KCNQ5: variants seen among roughly 807,000 people sequenced by gnomAD.
KCNQ5 encodes potassium voltage-gated channel subfamily KQT member 5.
KCNQ5 carries 30 observed loss-of-function variants against 98.2 expected under a neutral mutation model. That is an observed-to-expected ratio of 0.31 (90% CI 0.23 to 0.41). The LOEUF (loss-of-function observed/expected upper bound fraction) is 0.41, where lower values mean the gene tolerates loss of function less well. Ranked by LOEUF, KCNQ5 falls within the 10% of genes least tolerant of loss-of-function variation. The pLI is 1.00. For missense variants in KCNQ5, 835 were observed against 1,182.5 expected, an observed-to-expected ratio of 0.71 and a Z score of 4.31; for synonymous variants, 458 against 449.4, an observed-to-expected ratio of 1.02 and a Z score of -0.24.
At chr6:72,910,564 GT>G (rs1469956986) in intron 1 of KCNQ5, among the ~76,000 whole-genome samples, 4 of 13,526 alleles carry the variant, frequency 3.0e-4, no homozygotes, top group East Asian at 6.4e-3. Flanking sequence ...AGGTAGGGGG[GT>G]GTGTGTGTGT....
intron 1 of KCNQ5, among the ~76,000 whole-genome samples, chr6:72,957,170 C>CTTTTTT (rs11374806): frequency 8.0e-6 from 1 of 125,352 alleles, no homozygotes; most frequent in Non-Finnish European, 1.6e-5. Flanking sequence ...ATGTAGGAAG[C>CTTTTTT]TTTTTTTTTT....
intron 1 of KCNQ5, among the ~76,000 whole-genome samples, chr6:72,698,827 T>A (rs542754080): frequency 6.6e-6 from 1 of 151,922 alleles, no homozygotes; most frequent in South Asian, 2.1e-4. Flanking sequence ...GCTATTTTTT[T>A]ATTTTTATTG....
chr6:72,627,374 C>T (rs2098918478), intron 1 of KCNQ5, among the ~76,000 whole-genome samples: 1 of 152,092 alleles, frequency 6.6e-6, no homozygotes, highest in African/African-American at 2.4e-5. Context: ...AATGGAAGAA[C>T]CTGGGAAAAG....
At chr6:73,153,908 A>AAC (rs1319473827) in intron 10 of KCNQ5, among the ~76,000 whole-genome samples, 4 of 151,700 alleles carry the variant, frequency 2.6e-5, no homozygotes, top group Non-Finnish European at 5.9e-5. Context: ...TTCCACTAAA[A>AAC]AAAAAAAAGT....
At chr6:73,166,269 A>G (rs2150499773) in intron 10 of KCNQ5, among the ~76,000 whole-genome samples, 1 of 151,428 alleles carries the variant, frequency 6.6e-6, no homozygotes, top group Non-Finnish European at 1.5e-5. Flanking sequence ...CGACACTACT[A>G]AAAAAAATAC....
intron 1 of KCNQ5, among the ~76,000 whole-genome samples, chr6:72,692,372 G>T (rs887420226): frequency 1.3e-5 from 2 of 152,226 alleles, no homozygotes; most frequent in Non-Finnish European, 2.9e-5. Flanking sequence ...GGTTGTGCGA[G>T]AAACATCTGC....
In KCNQ5 at chr6:73,077,311, G is replaced by A. The variant is rs764036265; in HGVS notation, c.617-11G>A. The A allele has an allele frequency of 6.2e-7, 1 of 1,612,238 alleles. No homozygotes were observed. The highest frequency in any genetic ancestry group is 2.2e-5 in the East Asian group (1 of 44,864). On this transcript the variant is annotated splice_polypyrimidine_tract_variant and intron_variant, in intron 3 of 13. Transcript: ENST00000370398. ...GTGCTAACTGTGGCTATTTCGACCT[G>A]TTTCTTTCAGATACCATTGTTCTTA...
intron 1 of KCNQ5, among the ~76,000 whole-genome samples, chr6:72,666,516 G>A (rs919471461): frequency 4.6e-5 from 7 of 152,054 alleles, no homozygotes; most frequent in African/African-American, 1.4e-4. Context: ...ATTTAGATTC[G>A]TAAGTTTGAA....
intron 1 of KCNQ5, among the ~76,000 whole-genome samples, chr6:72,916,645 A>G (rs1780154275): frequency 6.6e-6 from 1 of 152,188 alleles, no homozygotes; most frequent in South Asian, 2.1e-4. Flanking sequence ...CATTTTTCCT[A>G]TTGTCAGTTC....
At chr6:72,824,477 T>C (rs2840800) in intron 1 of KCNQ5, among the ~76,000 whole-genome samples, 81,213 of 151,952 alleles carry the variant, frequency 0.53, 22,741 homozygotes, top group Non-Finnish European at 0.62. Flanking sequence ...TGTTTTTCAC[T>C]TGGCATTTAT....
At chr6:73,014,317 T>A (rs190454343) in intron 2 of KCNQ5, among the ~76,000 whole-genome samples, 1 of 152,246 alleles carries the variant, frequency 6.6e-6, no homozygotes, top group Admixed American at 6.5e-5. Context: ...ATGAAAGTGA[T>A]GCATATTATT....
At chr6:73,013,709 A>G (rs554692610) in intron 2 of KCNQ5, among the ~76,000 whole-genome samples, 1 of 152,258 alleles carries the variant, frequency 6.6e-6, no homozygotes, top group East Asian at 1.9e-4. Context: ...GGCTGTCTTC[A>G]GAGCATCCCG....
chr6:72,813,636 A>C (rs1157267943), intron 1 of KCNQ5, among the ~76,000 whole-genome samples: 1 of 152,118 alleles, frequency 6.6e-6, no homozygotes, highest in Admixed American at 6.5e-5. Flanking sequence ...GACCCCAGGG[A>C]CTGGTTTCAG....
At chr6:72,679,483 A>C (rs978808450) in intron 1 of KCNQ5, among the ~76,000 whole-genome samples, 1 of 150,154 alleles carries the variant, frequency 6.7e-6, no homozygotes, top group African/African-American at 2.4e-5. Flanking sequence ...ACAAAAAACC[A>C]AACACCGCAT....
intron 1 of KCNQ5, among the ~76,000 whole-genome samples, chr6:72,671,119 T>C (rs1471968593): frequency 6.6e-6 from 1 of 152,200 alleles, no homozygotes; most frequent in African/African-American, 2.4e-5. Context: ...CAGTTCACGA[T>C]TGTTTAGTAT....
At chr6:73,094,133 A>G (rs570880267) in intron 5 of KCNQ5, among the ~76,000 whole-genome samples, 8 of 152,276 alleles carry the variant, frequency 5.3e-5, no homozygotes, top group African/African-American at 1.7e-4. Flanking sequence ...TTCCTGTTGG[A>G]CTAGGCCTTT....
intron 1 of KCNQ5, among the ~76,000 whole-genome samples, chr6:72,687,821 C>T (rs1322735902): frequency 1.4e-5 from 2 of 146,336 alleles, no homozygotes; most frequent in East Asian, 3.9e-4. Context: ...AAATGCTAGT[C>T]TTTTTATTGA....
chr6:73,011,750 T>C (rs932029568), intron 2 of KCNQ5, among the ~76,000 whole-genome samples: 2 of 152,074 alleles, frequency 1.3e-5, no homozygotes, highest in African/African-American at 4.8e-5. Context: ...CTGGACTATG[T>C]AGAGAATTTC....
At chr6:72,923,896 A>C (rs73753206) in intron 1 of KCNQ5, among the ~76,000 whole-genome samples, 4,440 of 152,278 alleles carry the variant, frequency 0.029, 185 homozygotes, top group African/African-American at 0.086. Flanking sequence ...ACAATATTTA[A>C]ATAAAAGAGA....
Sources: gnomAD v4.1 joint callset for allele counts (sites outside exome capture counted in the v4.1 genomes callset) on GRCh38, gnomAD v4.1.1 for gene constraint, MANE v1.5 for transcripts, NCBI Gene and HGNC (gene_info 2026-07-23, HGNC 2026-07-21) for gene names.